KLF17: variants seen among roughly 807,000 people sequenced by gnomAD.
KLF17 encodes the protein Krueppel-like factor 17.
In KLF17, 31 loss-of-function variants were observed where a neutral mutation model predicts 34.2. That is an observed-to-expected ratio of 0.91 (90% confidence interval 0.68 to 1.22). The LOEUF is 1.22. KLF17 is among the 50% of genes most tolerant of loss of function. KLF17 has a pLI of 0.00. For synonymous variants in KLF17, 179 were observed against 186.7 expected (o/e 0.96, Z 0.34); for missense variants, 478 against 505.2 (o/e 0.95, Z 0.52).
chr1:44,054,979 C>A, the KLF17 span, among the ~76,000 whole-genome samples: 30 of 151,932 alleles, frequency 2.0e-4, no homozygotes, highest in African/African-American at 7.2e-4. Flanking sequence ...CAGGGTTTCA[C>A]TGTGTTAGCC....
At chr1:44,124,495 A>ATTTT (rs35952182) in intron 1 of KLF17, among the ~76,000 whole-genome samples, 19 of 112,354 alleles carry the variant, frequency 1.7e-4, no homozygotes, top group African/African-American at 4.3e-4. Context: ...CACTTGGCTA[A>ATTTT]TTTTTTTTTT....
At chr1:44,126,416 A>G (rs1451264229) in intron 1 of KLF17, among the ~76,000 whole-genome samples, 2 of 152,202 alleles carry the variant, frequency 1.3e-5, no homozygotes, top group Non-Finnish European at 2.9e-5. Flanking sequence ...GCTACTACCT[A>G]CCTAAGAATT....
chr1:44,100,436 A>G, the KLF17 span, among the ~76,000 whole-genome samples: 1 of 152,102 alleles, frequency 6.6e-6, no homozygotes, highest in African/African-American at 2.4e-5. Flanking sequence ...TAATTTATAT[A>G]TTTTATAAAT....
rs2088088376 is a variant in KLF17 at position 44,130,095 on chromosome 1, G to A, written c.824G>A (p.Arg275Lys). 2 of 1,614,116 alleles carry A rather than the reference G, an allele frequency of 1.2e-6. No homozygotes were observed. Among genetic ancestry groups the A allele is most frequent in the Non-Finnish European group, 1.7e-6 (2 of 1,180,054 alleles). ...AGGCCTCAGGAAGGGACTGGTAGAA[G>A]GGGCTCCTCAGAGGCAAGGCCTTAC... Reference protein sequence around the residue: ...NSRPQEGTGRRGSSEARPYCC... With the variant: ...NSRPQEGTGRKGSSEARPYCC... The change falls in exon 2 of 4, where the codon AGG becomes AAG. Residue 275 changes from arginine (R) to lysine (K), a missense_variant. Transcript: ENST00000372299.
chr1:44,044,051 C>T, the KLF17 span: 1 of 152,730 alleles, frequency 6.5e-6, no homozygotes, highest in African/African-American at 2.4e-5. Flanking sequence ...CAGCTGTGGC[C>T]TGTTCTCTGT....
the KLF17 span, among the ~76,000 whole-genome samples, chr1:44,082,553 G>A: frequency 2.0e-5 from 3 of 152,180 alleles, no homozygotes; most frequent in African/African-American, 7.2e-5. Context: ...TTGGTATCAT[G>A]GGGGTTCCCT....
chr1:44,083,836 C>T, the KLF17 span, among the ~76,000 whole-genome samples: 3 of 151,408 alleles, frequency 2.0e-5, no homozygotes, highest in African/African-American at 7.3e-5. Context: ...CTGCCATGCC[C>T]CTGAGGCAGA....
At position 44,130,689 on chromosome 1, in the gene KLF17, G is replaced by T. The variant is rs1187275423; in HGVS notation, c.1103G>T (p.Gly368Val). ...LKQHQKTHRP[G>V]PSDPQANNNN... ...CAACACCAGAAGACTCATCGGCCGG[G>T]ACCCTCAGACCCACAGGCCAACAAC... is the stretch of plus-strand genomic sequence containing the variant. Residue 368 changes from glycine to valine, a missense_variant, in exon 3 of 4, where the codon GGA becomes GTA. Physicochemically the swap from Gly to Val is moderately radical, Grantham distance 109. Transcript: ENST00000372299. 1.2e-6 allele frequency: 2 copies of T among 1,612,704 alleles called. No individual in the cohort carries two copies. Among genetic ancestry groups the T allele is most frequent in the Non-Finnish European group, 1.7e-6 (2 of 1,179,672 alleles).
chr1:44,129,565 G>A lies in KLF17; in HGVS notation c.294G>A (p.Met98Ile), dbSNP rs1446964935. The change falls in exon 2 of 4, where the codon ATG (methionine) becomes ATA (isoleucine). Residue 98 changes from methionine (M) to isoleucine (I), a missense_variant. Coordinates refer to ENST00000372299, the MANE Select transcript of KLF17 (RefSeq NM_173484.4). ...QFSMPLPERGMSYCPQATLTP... is the reference protein window; with the variant it reads ...QFSMPLPERGISYCPQATLTP... ...GTATGCCACTGCCTGAGCGTGGTAT[G>A]AGCTACTGCCCCCAAGCGACTCTCA... 6.2e-7 allele frequency: 1 copy of A among 1,614,000 alleles called. No homozygotes were observed. Among genetic ancestry groups the A allele is most frequent in the African/African-American group, 1.3e-5 (1 of 75,046 alleles).
At chr1:44,081,954 T>C in the KLF17 span, among the ~76,000 whole-genome samples, 1 of 152,224 alleles carries the variant, frequency 6.6e-6, no homozygotes, top group Non-Finnish European at 1.5e-5. Context: ...TAGAATGTTA[T>C]TATATGTGAC....
chr1:44,100,079 TACACACAC>T, the KLF17 span, among the ~76,000 whole-genome samples: 972 of 138,614 alleles, frequency 7.0e-3, 7 homozygotes, highest in African/African-American at 0.019. Context: ...CTACTAAAAA[TACACACAC>T]ACACACACAC....
At chr1:44,127,647 TTTCTTTCTTTC>T in intron 1 of KLF17, among the ~76,000 whole-genome samples, 1 of 53,166 alleles carries the variant, frequency 1.9e-5, no homozygotes, top group African/African-American at 8.9e-5. Context: ...TCCTTCTTTC[TTTCTTTCTTTC>T]TTTCTTTCTT....
In KLF17 at chr1:44,129,645, C is replaced by T. The variant is rs575683674; in HGVS notation, c.374C>T (p.Thr125Met). Reference protein sequence around the residue: ...QRMSPPQQEMTIFSGPQLMPV... With the variant: ...QRMSPPQQEMMIFSGPQLMPV... The stretch of plus-strand genomic sequence containing the variant: ...ATGTCTCCCCCTCAGCAAGAGATGA[C>T]GATTTTCAGTGGGCCCCAACTAATG... The change falls in exon 2 of 4, where the codon ACG becomes ATG. Residue 125 changes from threonine to methionine, a missense_variant. Transcript: ENST00000372299. 8 of 1,614,148 alleles carry T rather than the reference C, an allele frequency of 5.0e-6. No homozygotes were observed. Among genetic ancestry groups the T allele is most frequent in the South Asian group, 3.3e-5 (3 of 91,082 alleles).
upstream of KLF17, chr1:44,115,466 A>AC (rs1557726999): frequency 4.6e-5 from 7 of 151,310 alleles, no homozygotes; most frequent in South Asian, 1.3e-3. Flanking sequence ...AAAAAAAAAA[A>AC]AAAAAACCAA....
the KLF17 span, among the ~76,000 whole-genome samples, chr1:44,049,918 G>A: frequency 6.6e-6 from 1 of 152,166 alleles, no homozygotes; most frequent in African/African-American, 2.4e-5. Context: ...TTCAAATAAT[G>A]TGTATCTTTT....
the KLF17 span, chr1:44,104,662 C>G: frequency 2.1e-6 from 1 of 469,646 alleles, no homozygotes; most frequent in Non-Finnish European, 3.9e-6. Context: ...GGGAGAAGCT[C>G]TAAGAGCTGA....
chr1:44,090,147 G>C, the KLF17 span, among the ~76,000 whole-genome samples: 1 of 146,870 alleles, frequency 6.8e-6, no homozygotes, highest in Non-Finnish European at 1.5e-5. Context: ...AAAAAAAAGA[G>C]AGAGAGACAG....
chr1:44,074,314 G>C, the KLF17 span, among the ~76,000 whole-genome samples: 1 of 151,156 alleles, frequency 6.6e-6, no homozygotes, highest in Non-Finnish European at 1.5e-5. Context: ...CTCCTCTCTG[G>C]TCTCTGTCCC....
chr1:44,119,018 G>A (rs769185429), intron 1 of KLF17, 30 bp downstream of exon 1: 13 of 1,575,292 alleles, frequency 8.3e-6, no homozygotes, highest in East Asian at 2.3e-5. Context: ...CTGGCAGGCC[G>A]GGCGGGCCCA....
Sources: gnomAD v4.1 joint callset for allele counts (sites outside exome capture counted in the v4.1 genomes callset) on GRCh38, gnomAD v4.1.1 for gene constraint, MANE v1.5 for transcripts, NCBI Gene and HGNC (gene_info 2026-07-23, HGNC 2026-07-21) for gene names.